Variants in NTM observed in about 807,000 individuals in gnomAD.
The protein encoded by NTM is neurotrimin.
A neutral mutation model predicts 42.1 loss-of-function variants in NTM; 13 were observed. The ratio of observed to expected loss-of-function variants is 0.31; its 90% CI spans 0.20 to 0.49. The LOEUF (loss-of-function observed/expected upper bound fraction) is 0.49. Among genes scored for constraint, NTM ranks in the 20% least tolerant of loss-of-function variants. NTM has a pLI of 0.99. For missense variants in NTM, 373 were observed against 452.8 expected (o/e 0.82, Z 1.60); for synonymous variants, 187 against 179.2 (o/e 1.04, Z -0.35).
At chr11:132,035,882 A>G (rs1055636199) in intron 2 of NTM, among the ~76,000 whole-genome samples, 1 of 152,162 alleles carries the variant, frequency 6.6e-6, no homozygotes, top group Admixed American at 6.5e-5. Context: ...ACCTCTCATC[A>G]GCAGCAAATC....
chr11:132,253,091 A>C (rs1376907104), intron 4 of NTM, among the ~76,000 whole-genome samples: 2 of 152,240 alleles, frequency 1.3e-5, no homozygotes, highest in African/African-American at 4.8e-5. Flanking sequence ...TCTCTGTCCA[A>C]CAACAATGTT....
At chr11:131,743,595 C>T (rs752779037) in intron 1 of NTM, among the ~76,000 whole-genome samples, 6 of 152,110 alleles carry the variant, frequency 3.9e-5, no homozygotes, top group African/African-American at 7.2e-5. Context: ...ACTAAGTGGT[C>T]GGCCAGAATG....
At chr11:132,325,987 A>G (rs1047945538) in intron 7 of NTM, among the ~76,000 whole-genome samples, 1 of 151,588 alleles carries the variant, frequency 6.6e-6, no homozygotes, top group Non-Finnish European at 1.5e-5. Context: ...TGGACACAGG[A>G]AGGGGAACAT....
At chr11:131,996,430 A>T (rs2068039983) in intron 2 of NTM, among the ~76,000 whole-genome samples, 1 of 152,140 alleles carries the variant, frequency 6.6e-6, no homozygotes, top group South Asian at 2.1e-4. Context: ...TTGTTCTTTT[A>T]TATCGCCTGC....
chr11:132,074,511 CAGTT>C (rs754601419), intron 2 of NTM, among the ~76,000 whole-genome samples: 19 of 151,736 alleles, frequency 1.3e-4, no homozygotes, highest in Admixed American at 9.2e-4. Context: ...GTACCATTGA[CAGTT>C]AGCTGCTTGT....
chr11:132,289,265 A>G (rs962131423), intron 4 of NTM, among the ~76,000 whole-genome samples: 2 of 152,132 alleles, frequency 1.3e-5, no homozygotes, highest in Admixed American at 1.3e-4. Flanking sequence ...GCACATTTTT[A>G]TCTTACTAGA....
chr11:132,221,699 A>G (rs2085195568), intron 4 of NTM, among the ~76,000 whole-genome samples: 1 of 152,148 alleles, frequency 6.6e-6, no homozygotes, highest in African/African-American at 2.4e-5. Flanking sequence ...TGCTGTGTAA[A>G]TGTGCTCTGT....
In NTM at chr11:132,166,830, C is replaced by A. The variant is rs368998645; in HGVS notation, c.400+20316C>A. Reference sequence around the variant, plus strand: ...CTGACCATCATTCCTAGCATTATGGCTACTTTCTGGATCCTGCCTGCCTCA... The same window carrying A: ...CTGACCATCATTCCTAGCATTATGGATACTTTCTGGATCCTGCCTGCCTCA... On this transcript the variant is annotated intron_variant, in intron 3 of 8. Coordinates refer to ENST00000683400, the MANE Select transcript of NTM (RefSeq NM_001352005.2). Among the ~76,000 whole-genome samples the A allele has an allele frequency of 3.9e-5, 6 of 152,288 alleles. No individual in the cohort carries two copies. The East Asian group carries it at 7.7e-4, about 20-fold the overall frequency.
chr11:131,803,320 T>C (rs1262227645), intron 1 of NTM, among the ~76,000 whole-genome samples: 3 of 151,928 alleles, frequency 2.0e-5, no homozygotes, highest in Non-Finnish European at 4.4e-5. Context: ...TTTTCTTTCT[T>C]TTTCAGAGTC....
At chr11:131,838,179 G>T (rs1018663086) in intron 1 of NTM, among the ~76,000 whole-genome samples, 1 of 152,076 alleles carries the variant, frequency 6.6e-6, no homozygotes, top group African/African-American at 2.4e-5. Flanking sequence ...CCAGCATCAC[G>T]GATGCAGGGG....
chr11:131,975,440 A>G (rs960297108), intron 2 of NTM, among the ~76,000 whole-genome samples: 1 of 152,108 alleles, frequency 6.6e-6, no homozygotes, highest in Non-Finnish European at 1.5e-5. Context: ...GGCCTCCCAA[A>G]GTGCTGGGAT....
chr11:131,580,555 G>A (rs1231083513), intron 1 of NTM, among the ~76,000 whole-genome samples: 1 of 152,100 alleles, frequency 6.6e-6, no homozygotes, highest in Non-Finnish European at 1.5e-5. Context: ...TATTCCGTAG[G>A]GCTGAGAACC....
At chr11:131,939,567 T>C (rs1231335914) in intron 2 of NTM, among the ~76,000 whole-genome samples, 2 of 151,920 alleles carry the variant, frequency 1.3e-5, no homozygotes, top group East Asian at 3.9e-4. Context: ...GGAGGGAGTA[T>C]GGCGCTGGAG....
intron 4 of NTM, among the ~76,000 whole-genome samples, chr11:132,259,773 G>T (rs906195085): frequency 6.6e-6 from 1 of 151,766 alleles, no homozygotes; most frequent in Non-Finnish European, 1.5e-5. Context: ...TTGTTGAGAC[G>T]GAGTCTCTCT....
intron 1 of NTM, among the ~76,000 whole-genome samples, chr11:131,496,947 C>T (rs1181594956): frequency 6.6e-6 from 1 of 152,202 alleles, no homozygotes; most frequent in African/African-American, 2.4e-5. Flanking sequence ...TCAGGCCTCT[C>T]CCTCTGGCTT....
At chr11:131,649,041 C>T (rs1567081) in intron 1 of NTM, among the ~76,000 whole-genome samples, 133,871 of 152,202 alleles carry the variant, frequency 0.88, 59,016 homozygotes, top group African/African-American at 0.93. Context: ...CCCGTGTTTT[C>T]CCTCTCATCG....
At chr11:132,015,105 A>G (rs535236914) in intron 2 of NTM, among the ~76,000 whole-genome samples, 13 of 152,100 alleles carry the variant, frequency 8.5e-5, no homozygotes, top group South Asian at 6.2e-4. Flanking sequence ...ATTCTTCTGC[A>G]TAGGAATATC....
intron 3 of NTM, among the ~76,000 whole-genome samples, chr11:132,192,504 C>A (rs1240021110): frequency 6.6e-6 from 1 of 152,082 alleles, no homozygotes; most frequent in Non-Finnish European, 1.5e-5. Flanking sequence ...CACAAGAGTT[C>A]CTAAAGGGAG....
chr11:131,694,640 C>G (rs1565435538), intron 1 of NTM, among the ~76,000 whole-genome samples: 1 of 152,204 alleles, frequency 6.6e-6, no homozygotes, highest in Non-Finnish European at 1.5e-5. Flanking sequence ...GGACAGGGAG[C>G]TGGGCCTGGG....
Sources: allele counts gnomAD v4.1 joint callset (sites outside exome capture counted in the v4.1 genomes callset), GRCh38; gene constraint gnomAD v4.1.1; transcripts MANE v1.5; gene names NCBI Gene and HGNC (gene_info 2026-07-23, HGNC 2026-07-21).